Variants in OOEP observed in about 807,000 individuals in gnomAD.
The protein encoded by OOEP is oocyte expressed protein.
OOEP carries 16 observed loss-of-function variants against 13.7 expected under a neutral mutation model. The ratio of observed to expected loss-of-function variants is 1.16; its 90% CI spans 0.79 to 1.77. The LOEUF is 1.77. OOEP is among the 40% of genes most tolerant of loss of function. The pLI is 0.00. For synonymous variants in OOEP, 89 were observed against 77.1 expected, an observed-to-expected ratio of 1.15 and a Z score of -0.81; for missense variants, 195 against 193.1, an observed-to-expected ratio of 1.01 and a Z score of -0.06.
At chr6:73,369,993 A>G, upstream of OOEP, 1 of 579,430 alleles carries the variant, frequency 1.7e-6, no homozygotes, top group Non-Finnish European at 3.1e-6. Flanking sequence ...GCGCTGCTTC[A>G]ATCGCCGGGA....
chr6:73,383,870 C>G (rs765110143), intron 2 of OOEP, among the ~76,000 whole-genome samples: 29 of 151,728 alleles, frequency 1.9e-4, no homozygotes, highest in Non-Finnish European at 5.9e-5. Flanking sequence ...CTGAGGCAGG[C>G]AGATCACTTG....
At chr6:73,373,575 G>C (rs1020418002), upstream of OOEP, among the ~76,000 whole-genome samples, 6 of 152,140 alleles carry the variant, frequency 3.9e-5, no homozygotes, top group Non-Finnish European at 7.4e-5. Flanking sequence ...AAGATTTTAA[G>C]TATGCAATTA....
chr6:73,368,850 T>C lies in OOEP; in HGVS notation c.384A>G (p.Lys128=). ...GGGCCTTCAAGTTCTTCTCAAGGTG[T>C]TTCATCTTCTCAGCTGGAAGAGAAG... The part of the protein sequence containing the change: ...REHRARAEKM[K]HLEKNLKAHA... The change falls in exon 3 of 3, where the codon AAA becomes AAG. Residue 128 remains lysine (K), a synonymous_variant. Coordinates refer to ENST00000370359, the MANE Select transcript of OOEP (RefSeq NM_001080507.3). The C allele has an allele frequency of 6.2e-7, 1 of 1,613,380 alleles. No individual in the cohort carries two copies.
intron 2 of OOEP, among the ~76,000 whole-genome samples, chr6:73,376,991 TA>T (rs143927134): frequency 0.034 from 5,123 of 152,314 alleles, 106 homozygotes; most frequent in South Asian, 0.081. Flanking sequence ...CCTAAAATTG[TA>T]AAAAAATTTA....
chr6:73,370,036 G>A (rs1023763021), upstream of OOEP: 24 of 541,558 alleles, frequency 4.4e-5, no homozygotes, highest in South Asian at 5.4e-4. Flanking sequence ...GTATTCATTT[G>A]GCCTCCTGTT....
At chr6:73,394,485 G>A (rs1012541570) in exon 2 of OOEP, 4 of 646,776 alleles carry the variant, frequency 6.2e-6, no homozygotes, top group Non-Finnish European at 1.1e-5. Context: ...GCGACACCCC[G>A]TCTCTATTTA....
upstream of OOEP, among the ~76,000 whole-genome samples, chr6:73,373,588 T>A (rs9351997): frequency 0.071 from 10,791 of 152,168 alleles, 474 homozygotes; most frequent in Middle Eastern, 0.099. Context: ...TGCAATTATT[T>A]TTTATTTATT....
At chr6:73,373,368 AG>A, upstream of OOEP, 9 of 1,166,142 alleles carry the variant, frequency 7.7e-6, no homozygotes, top group Non-Finnish European at 1.1e-5. Context: ...TCTGTCACCC[AG>A]GCTAGAGTGC....
chr6:73,389,650 C>T (rs1769319273), intron 2 of OOEP, among the ~76,000 whole-genome samples: 1 of 142,460 alleles, frequency 7.0e-6, no homozygotes, highest in Non-Finnish European at 1.5e-5. Context: ...ACAATGAGAA[C>T]ACATGGACAC....
intron 2 of OOEP, among the ~76,000 whole-genome samples, chr6:73,382,241 G>T (rs373420005): frequency 1.4e-4 from 15 of 104,222 alleles, no homozygotes; most frequent in African/African-American, 4.9e-4. Flanking sequence ...TTTTTGAGAT[G>T]GAGTCTCGCT....
At chr6:73,380,783 C>T (rs1488297106) in intron 2 of OOEP, among the ~76,000 whole-genome samples, 1 of 151,996 alleles carries the variant, frequency 6.6e-6, no homozygotes. Flanking sequence ...TGTGATTTAT[C>T]TACACATTAG....
At chr6:73,373,732 G>A (rs1225034125), upstream of OOEP, among the ~76,000 whole-genome samples, 1 of 151,788 alleles carries the variant, frequency 6.6e-6, no homozygotes, top group Admixed American at 6.6e-5. Flanking sequence ...TGGGATTACA[G>A]GCATGCACCA....
exon 1 of OOEP, chr6:73,395,066 C>A (rs139868820): frequency 5.6e-6 from 9 of 1,613,002 alleles, no homozygotes; most frequent in Non-Finnish European, 7.6e-6. Context: ...TGGAGAGGCA[C>A]CTCTAGGCCC....
At chr6:73,374,586 G>GT (rs1339678192), upstream of OOEP, among the ~76,000 whole-genome samples, 6 of 152,080 alleles carry the variant, frequency 3.9e-5, no homozygotes, top group Non-Finnish European at 7.4e-5. Flanking sequence ...ATAGTCTGGA[G>GT]TTTTTTGTTT....
intron 2 of OOEP, among the ~76,000 whole-genome samples, chr6:73,390,067 A>C (rs1769326678): frequency 6.6e-6 from 1 of 152,140 alleles, no homozygotes; most frequent in South Asian, 2.1e-4. Flanking sequence ...TGGTCCCAGC[A>C]GCTCAGGAAG....
At position 73,394,733 on chromosome 6, in the gene OOEP, G is replaced by A. The variant is rs995530320; in HGVS notation, c.-133C>T. On this transcript the variant is annotated 5_prime_UTR_variant, in exon 1 of 4. Transcript: ENST00000370363. ...ACAACGCTCACTGGCCAATGGCTGC[G>A]TGAAATCAGTGCGAAGTGGGCGGGA... The A allele has an allele frequency of 7.6e-6, 7 of 924,104 alleles. No individual in the cohort carries two copies. In the Admixed American group the frequency reaches 8.7e-5, roughly 11 times the overall value. 57.2% of individuals were successfully genotyped at this position (924,104 alleles called of 1,614,324 possible).
At chr6:73,394,599 T>A (rs933278380) in intron 1 of OOEP, 2 of 319,964 alleles carry the variant, frequency 6.3e-6, no homozygotes, top group African/African-American at 2.8e-5. Flanking sequence ...GTCCCACGCC[T>A]GGAAAGGAAT....
At chr6:73,386,912 G>A (rs1269630010) in intron 2 of OOEP, among the ~76,000 whole-genome samples, 1 of 140,476 alleles carries the variant, frequency 7.1e-6, no homozygotes, top group African/African-American at 2.6e-5. Context: ...AGGTTGCAGT[G>A]AGCCGAGATC....
Position 73,376,344 on chromosome 6 carries a change from G to GTTTTTTTTTT in OOEP, c.26-6969_26-6960dup, listed in dbSNP as rs70994194. ...TCGCAGCTGTTTTGGACAAGGGGTT[G>GTTTTTTTTTT]TTTTTTTTTTTTTTTTTTTTTTTTT... On this transcript the variant is annotated intron_variant, in intron 2 of 3. Coordinates refer to the OOEP transcript ENST00000370363. 5.8e-3 allele frequency among the ~76,000 whole-genome samples: 595 copies of GTTTTTTTTTT among 103,428 alleles called. 45 individuals carry two copies. Among genetic ancestry groups the GTTTTTTTTTT allele is most frequent in the African/African-American group, 0.011 (265 of 25,218 alleles). 67.9% of individuals were successfully genotyped at this position (103,428 alleles called of 152,430 possible).
Sources: allele counts gnomAD v4.1 joint callset (sites outside exome capture counted in the v4.1 genomes callset), GRCh38; gene constraint gnomAD v4.1.1; transcripts MANE v1.5; gene names NCBI Gene and HGNC (gene_info 2026-07-23, HGNC 2026-07-21).